The following SPTLC3 variants were observed in gnomAD, a reference collection of about 807,000 sequenced individuals.
SPTLC3 encodes the protein serine palmitoyltransferase long chain base subunit 3.
SPTLC3 carries 36 observed loss-of-function variants against 59.3 expected under a neutral mutation model. The observed-to-expected ratio is 0.61, with a 90% CI of 0.47 to 0.80. The LOEUF is 0.80. Among genes scored for constraint, SPTLC3 ranks in the 30% least tolerant of loss-of-function variants. SPTLC3 has a pLI of 0.00. For missense variants in SPTLC3, 625 were observed against 685.1 expected, an observed-to-expected ratio of 0.91 and a Z score of 0.98; for synonymous variants, 257 against 240.8, an observed-to-expected ratio of 1.07 and a Z score of -0.62.
rs1318733389 is a variant in SPTLC3, at chr20:13,166,570, C to T, written c.*1703C>T. 6.6e-6 allele frequency: 1 copy of T among 152,104 alleles called. No homozygotes were observed. The highest frequency in any genetic ancestry group is 1.9e-4 in the East Asian group (1 of 5,190). 9.4% of individuals were successfully genotyped at this position (152,104 alleles called of 1,614,324 possible). ...TGAAACTGATGCAGTATTATTTGTG[C>T]AAATAAAATGTGTCATAAATATGCA... On this transcript the variant is annotated 3_prime_UTR_variant, in exon 12 of 12. Coordinates refer to ENST00000399002, the MANE Select transcript of SPTLC3 (RefSeq NM_018327.4).
chr20:13,078,285 C>G (rs866796929), intron 4 of SPTLC3, among the ~76,000 whole-genome samples: 1 of 149,600 alleles, frequency 6.7e-6, no homozygotes, highest in Non-Finnish European at 1.5e-5. Context: ...AACAGAATAA[C>G]ATAATCAAGT....
intron 1 of SPTLC3, among the ~76,000 whole-genome samples, chr20:13,016,229 A>G (rs903654503): frequency 4.6e-5 from 7 of 152,146 alleles, no homozygotes; most frequent in African/African-American, 1.7e-4. Flanking sequence ...TGCTAGAATC[A>G]GTTTCCATGA....
chr20:13,029,472 G>T (rs1373092688), intron 1 of SPTLC3, among the ~76,000 whole-genome samples: 1 of 152,148 alleles, frequency 6.6e-6, no homozygotes. Flanking sequence ...TGCTAGTCAA[G>T]ATTAGCCTTG....
intron 6 of SPTLC3, among the ~76,000 whole-genome samples, chr20:13,103,805 A>T (rs1989719098): frequency 6.6e-6 from 1 of 152,200 alleles, no homozygotes; most frequent in Non-Finnish European, 1.5e-5. Context: ...AGAAAGGAGG[A>T]AGCCCTGATG....
chr20:13,054,331 G>A (rs1272784360), intron 2 of SPTLC3, among the ~76,000 whole-genome samples: 2 of 152,158 alleles, frequency 1.3e-5, no homozygotes, highest in African/African-American at 4.8e-5. Context: ...AAGGACTTCA[G>A]GCAAAGGAAT....
At chr20:13,043,007 C>A (rs1477785138) in intron 1 of SPTLC3, among the ~76,000 whole-genome samples, 1 of 152,104 alleles carries the variant, frequency 6.6e-6, no homozygotes, top group African/African-American at 2.4e-5. Context: ...GTTTGAACAC[C>A]ATATAATGTT....
At chr20:13,044,379 G>A (rs566995090) in intron 1 of SPTLC3, among the ~76,000 whole-genome samples, 17 of 152,122 alleles carry the variant, frequency 1.1e-4, no homozygotes, top group Non-Finnish European at 1.9e-4. Flanking sequence ...TGGGATTACA[G>A]GCATGAGCCA....
intron 6 of SPTLC3, among the ~76,000 whole-genome samples, chr20:13,099,328 G>T (rs1989527488): frequency 6.6e-6 from 1 of 152,188 alleles, no homozygotes; most frequent in South Asian, 2.1e-4. Context: ...TTCTCCCCTA[G>T]AGCTTCCAGA....
intron 1 of SPTLC3, 111 bp from the exon 2 acceptor site, chr20:13,048,834 A>C: frequency 1.0e-6 from 1 of 986,174 alleles, no homozygotes; most frequent in East Asian, 2.7e-5. Context: ...TTTATTTACA[A>C]TCTTAAATAT....
rs928804605 is a variant in SPTLC3, at chr20:13,072,386, C to T, written c.434C>T (p.Ser145Leu). The change falls in exon 3 of 12, where the codon TCA becomes TTA. Residue 145 changes from serine to leucine, a missense_variant. Coordinates refer to ENST00000399002, the MANE Select transcript of SPTLC3 (RefSeq NM_018327.4). ...CTGTTTGATTTGATGGAGAGGGTAT[C>T]AGACGACTATAACTGGACGTTTAGG... ...GPLFDLMERV[S>L]DDYNWTFRFT... 5 of 1,608,584 alleles carry T rather than the reference C, an allele frequency of 3.1e-6. No homozygotes were observed. In the African/African-American group the frequency reaches 4.0e-5, roughly 13 times the overall value.
Position 13,009,203 on chromosome 20 carries a change from T to G in SPTLC3, c.-65T>G. On this transcript the variant is annotated 5_prime_UTR_variant, in exon 1 of 12. Coordinates refer to ENST00000399002, the MANE Select transcript of SPTLC3 (RefSeq NM_018327.4). ...AGCTTTATCCCATCCCCTCGCAGAC[T>G]GAAAACTAAAGCCTGCAGAGACCTC... 1 of 1,359,918 alleles carries G rather than the reference T, an allele frequency of 7.4e-7. No homozygotes were observed. The highest frequency in any genetic ancestry group is 1.0e-6 in the Non-Finnish European group (1 of 959,056). The allele number at this position is 1,359,918 out of a possible 1,614,324, so 84.2% of individuals were successfully genotyped here. A position where few individuals can be genotyped will look rare whatever the true frequency, so the allele number is the denominator to read the frequency against.
chr20:13,034,144 A>G (rs1443380272), intron 1 of SPTLC3, among the ~76,000 whole-genome samples: 1 of 152,208 alleles, frequency 6.6e-6, no homozygotes, highest in African/African-American at 2.4e-5. Flanking sequence ...GAAAACCAAC[A>G]ATTCCCAAAG....
chr20:13,020,613 T>G (rs1485996607), intron 1 of SPTLC3, among the ~76,000 whole-genome samples: 2 of 152,222 alleles, frequency 1.3e-5, no homozygotes, highest in Admixed American at 1.3e-4. Flanking sequence ...TTTTATATAC[T>G]CTTTTAAAAC....
chr20:13,136,162 T>C (rs1830516717), intron 9 of SPTLC3, among the ~76,000 whole-genome samples: 1 of 152,146 alleles, frequency 6.6e-6, no homozygotes, highest in South Asian at 2.1e-4. Flanking sequence ...GCCCTTAAAC[T>C]GAAGGAGTTT....
intron 1 of SPTLC3, among the ~76,000 whole-genome samples, chr20:13,040,046 C>CGT (rs3038800): frequency 0.35 from 51,105 of 147,764 alleles, 9,339 homozygotes; most frequent in Middle Eastern, 0.45. Context: ...TATGCATGTA[C>CGT]GTGTGTGTGT....
At chr20:13,105,725 C>A (rs746218522) in intron 6 of SPTLC3, among the ~76,000 whole-genome samples, 16 of 152,184 alleles carry the variant, frequency 1.1e-4, no homozygotes, top group Non-Finnish European at 2.2e-4. Flanking sequence ...TACCATCTAT[C>A]ATTTCTGCAC....
chr20:13,041,859 G>A (rs745555207), intron 1 of SPTLC3, among the ~76,000 whole-genome samples: 6 of 151,902 alleles, frequency 3.9e-5, no homozygotes, highest in African/African-American at 1.5e-4. Context: ...CTTAGAGAGT[G>A]CAGACTTCAG....
intron 2 of SPTLC3, among the ~76,000 whole-genome samples, chr20:13,056,933 C>A (rs376920579): frequency 6.6e-6 from 1 of 151,574 alleles, no homozygotes; most frequent in South Asian, 2.1e-4. Context: ...GTACAGACAG[C>A]GTTTCACTAT....
chr20:13,113,256 T>C (rs1990344022), intron 7 of SPTLC3, among the ~76,000 whole-genome samples: 1 of 152,168 alleles, frequency 6.6e-6, no homozygotes, highest in South Asian at 2.1e-4. Context: ...AGTCAATAGT[T>C]CACAAATGCA....
Sources: allele counts gnomAD v4.1 joint callset (sites outside exome capture counted in the v4.1 genomes callset), GRCh38; gene constraint gnomAD v4.1.1; transcripts MANE v1.5; gene names NCBI Gene and HGNC (gene_info 2026-07-23, HGNC 2026-07-21).